The following GUCA1B variants were observed in gnomAD, a reference collection of about 807,000 sequenced individuals.
The protein encoded by GUCA1B is guanylyl cyclase-activating protein 2.
Under a neutral mutation model 24.2 loss-of-function variants are expected in GUCA1B, and 22 were observed. The observed-to-expected ratio is 0.91, with a 90% confidence interval of 0.65 to 1.30. The LOEUF is 1.30. Ranked by LOEUF, GUCA1B falls within the 50% of genes most tolerant of loss-of-function variation. The probability of loss-of-function intolerance (pLI) is 0.00; values close to 1 mark genes in which losing one functional copy is unlikely to be tolerated. For missense variants in GUCA1B, 221 were observed against 258.8 expected, an observed-to-expected ratio of 0.85 and a Z score of 1.00; for synonymous variants, 100 against 97.9, an observed-to-expected ratio of 1.02 and a Z score of -0.13.
intron 1 of GUCA1B, among the ~76,000 whole-genome samples, chr6:42,194,327 G>A (rs116588488): frequency 2.9e-3 from 435 of 152,330 alleles, no homozygotes; most frequent in African/African-American, 0.01. Context: ...GACCTGGACT[G>A]TCTGCCAGTC....
At chr6:42,192,315 C>T (rs1176325877) in intron 1 of GUCA1B, among the ~76,000 whole-genome samples, 2 of 118,268 alleles carry the variant, frequency 1.7e-5, no homozygotes, top group African/African-American at 6.5e-5. Flanking sequence ...GATCATACCA[C>T]TGCACTACAG....
intron 2 of GUCA1B, 32 bp downstream of exon 2, chr6:42,188,550 C>T (rs1417747266): frequency 1.2e-6 from 2 of 1,611,676 alleles, no homozygotes; most frequent in East Asian, 4.5e-5. Context: ...CTCTAGTGCC[C>T]AGGCTGCTGG....
chr6:42,192,038 CAAAAAAAAAAAAA>C (rs1411321288), intron 1 of GUCA1B, among the ~76,000 whole-genome samples: 1 of 116,886 alleles, frequency 8.6e-6, no homozygotes, highest in Non-Finnish European at 1.7e-5. Context: ...TATGATCATA[CAAAAAAAAAAAAA>C]GAAAAAAAAA....
Position 42,184,890 on chromosome 6 carries a change from C to T in GUCA1B, c.528G>A (p.Val176=). The part of the protein sequence containing the change: ...FVEGARRDKW[V]MKMLQMDMNP... ...TCATGTCCATCTGCAGCATCTTCATCACCCACTTGTCCCGACGGGCACCTT... is the reference window on the plus strand; with the variant it reads ...TCATGTCCATCTGCAGCATCTTCATTACCCACTTGTCCCGACGGGCACCTT... Residue 176 remains valine, a synonymous_variant, in exon 4 of 4, where the codon GTG becomes GTA. Transcript: ENST00000230361. 8 of 1,614,060 alleles carry T rather than the reference C, an allele frequency of 5.0e-6. No homozygotes were observed. Among genetic ancestry groups the T allele is most frequent in the Non-Finnish European group, 5.9e-6 (7 of 1,179,906 alleles).
At chr6:42,189,246 T>C (rs1400177414) in intron 1 of GUCA1B, among the ~76,000 whole-genome samples, 1 of 152,176 alleles carries the variant, frequency 6.6e-6, no homozygotes, top group Non-Finnish European at 1.5e-5. Context: ...CTACTGTCTA[T>C]TCTACACAGC....
In GUCA1B at chr6:42,183,556, T is replaced by C. The variant is rs893441773; in HGVS notation, c.*1259A>G. Among the ~76,000 whole-genome samples the C allele has an allele frequency of 5.3e-5, 8 of 152,248 alleles. No individual in the cohort carries two copies. The highest frequency in any genetic ancestry group is 1.9e-4 in the African/African-American group (8 of 41,560). On this transcript the variant is annotated 3_prime_UTR_variant, in exon 4 of 4. Transcript: ENST00000230361. Reference sequence around the variant, plus strand: ...ATATAACAAAAAATAATTCCACATCTAAAAACACAATAATCCAAAACTGTT... The same window carrying C: ...ATATAACAAAAAATAATTCCACATCCAAAAACACAATAATCCAAAACTGTT...
chr6:42,188,748 T>C lies in GUCA1B; in HGVS notation c.208-17A>G. The stretch of plus-strand genomic sequence containing the variant: ...GGTGTTGTCCTGCATTAGATGTGGA[T>C]GCTGCTGAGGGCACAGCCCACCTCC... On this transcript the variant is annotated splice_polypyrimidine_tract_variant and intron_variant, in intron 1 of 3. Transcript: ENST00000230361. 2 of 1,610,788 alleles carry C rather than the reference T, an allele frequency of 1.2e-6. No individual in the cohort carries two copies. Among genetic ancestry groups the C allele is most frequent in the Non-Finnish European group, 1.7e-6 (2 of 1,178,456 alleles).
chr6:42,190,361 A>ATTTTTTTTTTTTTT (rs143865611), intron 1 of GUCA1B, among the ~76,000 whole-genome samples: 1 of 123,036 alleles, frequency 8.1e-6, no homozygotes, highest in African/African-American at 3.3e-5. Context: ...GTCAACTTCC[A>ATTTTTTTTTTTTTT]TTTTTTTTTT....
chr6:42,191,394 C>G (rs9369346), intron 1 of GUCA1B, among the ~76,000 whole-genome samples: 83,096 of 151,962 alleles, frequency 0.55, 24,619 homozygotes, highest in East Asian at 0.85. Flanking sequence ...GTGTGAACCA[C>G]ATCTATAAAC....
intron 2 of GUCA1B, among the ~76,000 whole-genome samples, chr6:42,186,013 A>T (rs886787654): frequency 2.0e-5 from 3 of 151,964 alleles, no homozygotes; most frequent in African/African-American, 7.3e-5. Flanking sequence ...CCGGCCTCAC[A>T]CCCCACCTGA....
In GUCA1B at chr6:42,194,901, C is replaced by T. The variant is rs980176401; in HGVS notation, c.-81G>A. 1.9e-5 allele frequency: 19 copies of T among 997,244 alleles called. No homozygotes were observed. The highest frequency in any genetic ancestry group is 2.6e-5 in the Non-Finnish European group (17 of 652,064). The allele number at this position is 997,244 out of a possible 1,614,324, so 61.8% of individuals were successfully genotyped here. ...CTGATGGATCTCTCCAACTAGGGCC[C>T]TCTTCCTCCCTTTCCAGGAGGCCTG... is the stretch of plus-strand genomic sequence containing the variant. On this transcript the variant is annotated 5_prime_UTR_variant, in exon 1 of 4. Coordinates refer to ENST00000230361, the MANE Select transcript of GUCA1B (RefSeq NM_002098.6).
At position 42,184,836 on chromosome 6, in the gene GUCA1B, T is replaced by A. The variant is rs1582329101; in HGVS notation, c.582A>T (p.Arg194Ser). ...MNPSSWLAQQ[R>S]RKSAMF ...CTCCTCAGAACATGGCACTTTTCCG[T>A]CTCTGCTGAGCGAGCCAGCTGCTGG... Residue 194 changes from arginine (R) to serine (S), a missense_variant, in exon 4 of 4, where the codon AGA becomes AGT. Coordinates refer to ENST00000230361, the MANE Select transcript of GUCA1B (RefSeq NM_002098.6). 6.2e-7 allele frequency: 1 copy of A among 1,614,114 alleles called. No homozygotes were observed. Among genetic ancestry groups the A allele is most frequent in the Non-Finnish European group, 8.5e-7 (1 of 1,180,016 alleles).
rs1768139731 is a variant in GUCA1B at position 42,183,467 on chromosome 6, C to G, written c.*1348G>C. ...TCCAGTTCCAGAGGGTACTCAGCTCCCCTTTCAACCAGAGAGACTCCCTTT... is the reference window on the plus strand; with the variant it reads ...TCCAGTTCCAGAGGGTACTCAGCTCGCCTTTCAACCAGAGAGACTCCCTTT... On this transcript the variant is annotated 3_prime_UTR_variant, in exon 4 of 4. Coordinates refer to ENST00000230361, the MANE Select transcript of GUCA1B (RefSeq NM_002098.6). 6.6e-6 allele frequency among the ~76,000 whole-genome samples: 1 copy of G among 152,092 alleles called. No individual in the cohort carries two copies. The highest frequency in any genetic ancestry group is 1.5e-5 in the Non-Finnish European group (1 of 68,022).
chr6:42,193,520 A>G (rs1188498661), intron 1 of GUCA1B, among the ~76,000 whole-genome samples: 1 of 152,214 alleles, frequency 6.6e-6, no homozygotes, highest in Non-Finnish European at 1.5e-5. Context: ...TGGAATAACA[A>G]AAGTCTGCCC....
rs772059775 is a variant in GUCA1B, at chr6:42,188,540, C to T, written c.357+42G>A. The T allele has an allele frequency of 1.9e-6, 3 of 1,604,822 alleles. No homozygotes were observed. In the South Asian group the frequency reaches 3.3e-5, roughly 18 times the overall value. ...GCCAACCTTCAGAGCTCCAGCAGTG[C>T]TCTAGTGCCCAGGCTGCTGGCCCAT... On this transcript the variant is annotated intron_variant, in intron 2 of 3. Transcript: ENST00000230361.
Position 42,184,878 on chromosome 6 carries a change from C to A in GUCA1B, c.540G>T (p.Leu180=). 1 of 1,614,076 alleles carries A rather than the reference C, an allele frequency of 6.2e-7. No individual in the cohort carries two copies. The highest frequency in any genetic ancestry group is 8.5e-7 in the Non-Finnish European group (1 of 1,179,910). Residue 180 remains leucine, a synonymous_variant, in exon 4 of 4, where the codon CTG becomes CTT. Transcript: ENST00000230361. ...ARRDKWVMKM[L]QMDMNPSSWL... is the part of the protein sequence containing the mutation. ...AGCTGCTGGGATTCATGTCCATCTG[C>A]AGCATCTTCATCACCCACTTGTCCC...
chr6:42,188,501 G>A (rs73434275), intron 2 of GUCA1B, 81 bp downstream of exon 2: 163,107 of 1,314,420 alleles, frequency 0.12, 11,127 homozygotes, highest in Middle Eastern at 0.18. Context: ...TTCAGTCCCC[G>A]CTGGCCACTT....
intron 1 of GUCA1B, among the ~76,000 whole-genome samples, chr6:42,193,739 C>T (rs961025831): frequency 1.3e-5 from 2 of 152,156 alleles, no homozygotes; most frequent in African/African-American, 4.8e-5. Flanking sequence ...CAGGATGAGA[C>T]CTGAAGTGGC....
intron 1 of GUCA1B, among the ~76,000 whole-genome samples, chr6:42,194,089 C>T (rs1273113982): frequency 6.6e-6 from 1 of 152,180 alleles, no homozygotes; most frequent in Non-Finnish European, 1.5e-5. Context: ...CAGTCATTCG[C>T]CCAGTCTCCC....
Sources: allele counts gnomAD v4.1 joint callset (sites outside exome capture counted in the v4.1 genomes callset), GRCh38; gene constraint gnomAD v4.1.1; transcripts MANE v1.5; gene names NCBI Gene and HGNC (gene_info 2026-07-23, HGNC 2026-07-21).